The following PCID2 variants were observed in gnomAD, a reference collection of about 807,000 sequenced individuals.
PCID2 encodes PCI domain containing 2, also known as PCI domain-containing protein 2.
Under a neutral mutation model 61.3 loss-of-function variants are expected in PCID2, and 41 were observed. The ratio of observed to expected loss-of-function variants is 0.67; its 90% confidence interval spans 0.52 to 0.87. The LOEUF (loss-of-function observed/expected upper bound fraction) is 0.87. Among genes scored for constraint, PCID2 ranks in the 40% least tolerant of loss-of-function variants. The pLI, the probability that PCID2 is intolerant of heterozygous loss-of-function variation, is 0.00. For missense variants in PCID2, 392 were observed against 493.4 expected (o/e 0.79, Z 1.95); for synonymous variants, 187 against 177.8 (o/e 1.05, Z -0.41).
intron 1 of PCID2, among the ~76,000 whole-genome samples, chr13:113,202,795 TGA>T (rs1347553560): frequency 6.6e-6 from 1 of 151,816 alleles, no homozygotes; most frequent in Non-Finnish European, 1.5e-5. Context: ...TGGAATGAGG[TGA>T]GAGAGAGAAG....
At chr13:113,167,108 T>C in the PCID2 span, among the ~76,000 whole-genome samples, 4 of 152,222 alleles carry the variant, frequency 2.6e-5, no homozygotes, top group African/African-American at 9.7e-5. Context: ...TTAAGTGACC[T>C]AGCAGGACAT....
At chr13:113,201,840 T>TA (rs2039460712) in intron 1 of PCID2, among the ~76,000 whole-genome samples, 1 of 132,124 alleles carries the variant, frequency 7.6e-6, no homozygotes, top group South Asian at 2.4e-4. Flanking sequence ...AAAAAGGACA[T>TA]AAAAATTCTA....
chr13:113,171,437 G>A, the PCID2 span, among the ~76,000 whole-genome samples: 13 of 152,120 alleles, frequency 8.5e-5, no homozygotes, highest in African/African-American at 2.7e-4. The surrounding 1 kb of genome is among the most constrained non-coding windows in gnomAD (Gnocchi z 5.1). Flanking sequence ...CTTTCTGTCC[G>A]CAGAAAGGCA....
the PCID2 span, chr13:113,170,556 T>C: frequency 7.4e-7 from 1 of 1,347,540 alleles, no homozygotes; most frequent in East Asian, 2.3e-5. Context: ...TGAGTTTTTA[T>C]AAAACCACAT....
At chr13:113,193,948 T>C (rs1005962784) in intron 6 of PCID2, among the ~76,000 whole-genome samples, 1 of 152,222 alleles carries the variant, frequency 6.6e-6, no homozygotes, top group Non-Finnish European at 1.5e-5. Flanking sequence ...TTCCTGGTAA[T>C]CAGTGTCGAT....
rs1303518515 is a variant in PCID2 at position 113,208,616 on chromosome 13, T to A, written c.19A>T (p.Asn7Tyr). The change falls in exon 1 of 14, where the codon AAC becomes TAC. Residue 7 changes from asparagine to tyrosine, a missense_variant. Coordinates refer to ENST00000337344, the MANE Select transcript of PCID2 (RefSeq NM_001127202.4). MAHITI[N>Y]QYLQQVYEAI... ...GGACCCACCTGCTGCAGGTACTGGT[T>A]AATGGTAATGTGCGCCATGGGAGCG... 5 of 1,607,414 alleles carry A rather than the reference T, an allele frequency of 3.1e-6. No homozygotes were observed. The highest frequency in any genetic ancestry group is 4.2e-6 in the Non-Finnish European group (5 of 1,177,486).
chr13:113,177,350 T>C (rs1339430380), downstream of PCID2, among the ~76,000 whole-genome samples: 2 of 152,100 alleles, frequency 1.3e-5, no homozygotes, highest in Non-Finnish European at 2.9e-5. Flanking sequence ...TTGGTCAGGC[T>C]GGTCTCCAAC....
intron 1 of PCID2, among the ~76,000 whole-genome samples, chr13:113,205,767 C>G (rs1445384043): frequency 6.6e-6 from 1 of 152,162 alleles, no homozygotes; most frequent in Non-Finnish European, 1.5e-5. Flanking sequence ...GTCAGCAAAT[C>G]CATACAGACA....
At chr13:113,204,144 T>C (rs1203102140) in intron 1 of PCID2, among the ~76,000 whole-genome samples, 1 of 152,234 alleles carries the variant, frequency 6.6e-6, no homozygotes, top group African/African-American at 2.4e-5. Context: ...GGCCCCGCAC[T>C]GTGCGATCTC....
intron 9 of PCID2, among the ~76,000 whole-genome samples, chr13:113,183,369 A>G (rs1211328941): frequency 1.3e-5 from 2 of 152,188 alleles, no homozygotes; most frequent in African/African-American, 2.4e-5. Context: ...AAAAATCAGT[A>G]TCTTAATAAA....
chr13:113,208,451 G>A (rs561874150), intron 1 of PCID2, 148 bp downstream of exon 1: 6 of 1,521,066 alleles, frequency 3.9e-6, no homozygotes, highest in East Asian at 2.5e-5. Context: ...GCCGCTGTTC[G>A]GCTCGCGCGG....
downstream of PCID2, among the ~76,000 whole-genome samples, chr13:113,172,757 C>T (rs2037138664): frequency 6.6e-6 from 1 of 152,174 alleles, no homozygotes; most frequent in African/African-American, 2.4e-5. Flanking sequence ...TTCCGGGGCC[C>T]GAAGTCAGGG....
downstream of PCID2, among the ~76,000 whole-genome samples, chr13:113,173,994 T>C (rs2037153315): frequency 6.6e-6 from 1 of 151,772 alleles, no homozygotes; most frequent in Non-Finnish European, 1.5e-5. Context: ...TTTGGGAGGC[T>C]GAGGCGGGCG....
At chr13:113,208,234 C>T (rs1365528878) in intron 1 of PCID2, 1 of 1,469,702 alleles carries the variant, frequency 6.8e-7, no homozygotes, top group African/African-American at 1.6e-5. Context: ...CCATCCGACA[C>T]AGCACCGCCC....
chr13:113,182,530 TTG>T (rs755077619), intron 9 of PCID2, among the ~76,000 whole-genome samples: 2 of 152,204 alleles, frequency 1.3e-5, no homozygotes, highest in Admixed American at 6.5e-5. Flanking sequence ...AGATGGAGTC[TTG>T]CTCTGTCGCC....
chr13:113,188,744 A>G (rs1035401338), intron 7 of PCID2: 3 of 152,238 alleles, frequency 2.0e-5, no homozygotes, highest in African/African-American at 7.2e-5. Context: ...CCTCAGGAGT[A>G]GAGAAGTTGA....
intron 9 of PCID2, 28 bp from the exon 10 acceptor site, chr13:113,181,258 T>C (rs1482742280): frequency 4.2e-6 from 6 of 1,444,568 alleles, no homozygotes; most frequent in Admixed American, 3.3e-5. Flanking sequence ...CCAGCACGCA[T>C]GAGACCAACG....
chr13:113,206,395 G>A (rs1013680343), intron 1 of PCID2, among the ~76,000 whole-genome samples: 1 of 152,204 alleles, frequency 6.6e-6, no homozygotes, highest in African/African-American at 2.4e-5. Flanking sequence ...ACCTGCAGCA[G>A]GGCGTCCTGG....
At chr13:113,177,527 G>A (rs2037224462), downstream of PCID2, 1 of 152,196 alleles carries the variant, frequency 6.6e-6, no homozygotes, top group African/African-American at 2.4e-5. Context: ...GCTAGAGTGA[G>A]CCATAATGTT....
Sources: allele counts gnomAD v4.1 joint callset (sites outside exome capture counted in the v4.1 genomes callset), GRCh38; gene constraint gnomAD v4.1.1; non-coding constraint Gnocchi (gnomAD v3.1); transcripts MANE v1.5; gene names NCBI Gene and HGNC (gene_info 2026-07-23, HGNC 2026-07-21).